Variants in HHIP observed in about 807,000 individuals in gnomAD.
HHIP encodes the protein hedgehog interacting protein.
Under a neutral mutation model 74.0 loss-of-function variants are expected in HHIP, and 12 were observed. The observed-to-expected ratio is 0.16, with a 90% CI of 0.10 to 0.26. The LOEUF (loss-of-function observed/expected upper bound fraction) is 0.26. Ranked by LOEUF, HHIP falls within the 10% of genes least tolerant of loss-of-function variation. The probability of loss-of-function intolerance (pLI) is 1.00; values close to 1 mark genes in which losing one functional copy is unlikely to be tolerated. For synonymous variants in HHIP, 309 were observed against 311.6 expected (o/e 0.99, Z 0.09); for missense variants, 788 against 845.0 (o/e 0.93, Z 0.84).
chr4:144,675,911 T>G (rs1423703605), intron 4 of HHIP, among the ~76,000 whole-genome samples: 1 of 152,222 alleles, frequency 6.6e-6, no homozygotes, highest in African/African-American at 2.4e-5. Context: ...TTGATATCAA[T>G]CCTTTGGAGG....
At chr4:144,711,916 T>G in intron 7 of HHIP, 34 bp from the exon 8 acceptor site, 1 of 1,594,800 alleles carries the variant, frequency 6.3e-7, no homozygotes. Context: ...AAGATCACGG[T>G]AGGAATTAAT....
chr4:144,671,100 A>G (rs1234654191), intron 4 of HHIP, among the ~76,000 whole-genome samples: 2 of 152,158 alleles, frequency 1.3e-5, no homozygotes, highest in Non-Finnish European at 2.9e-5. Context: ...TCTATGTATC[A>G]TCTTTAAAGC....
At position 144,652,659 on chromosome 4, in the gene HHIP, T is replaced by C; in HGVS notation, c.334T>C (p.Cys112Arg). ...TGGGAAGTTACTGGAGGAAATCAAA[T>C]GTGCACTTTGCTCTCCACATTCTCA... is the stretch of plus-strand genomic sequence containing the variant. ...ECGKLLEEIK[C>R]ALCSPHSQSL... is the part of the protein sequence containing the mutation. The change falls in exon 2 of 13, where the codon TGT becomes CGT. Residue 112 changes from cysteine (C) to arginine (R), a missense_variant. Physicochemically the swap from Cys to Arg is radical, Grantham distance 180. Around this residue, in one of 3 missense-constraint regions of HHIP, gnomAD observed 373 missense variants for 366.4 expected, o/e 1.02. Coordinates refer to ENST00000296575, the MANE Select transcript of HHIP (RefSeq NM_022475.3). 6.2e-7 allele frequency: 1 copy of C among 1,611,520 alleles called. No individual in the cohort carries two copies. Among genetic ancestry groups the C allele is most frequent in the Non-Finnish European group, 8.5e-7 (1 of 1,178,158 alleles).
In HHIP at chr4:144,742,841, ATATC is replaced by A. The variant is rs1731289556; in HGVS notation, c.*4886_*4889del. ...TGGTTATATATATTTGGTTATATAT[ATATC>A]TTTATATATATATCTTATATATATA... On this transcript the variant is annotated 3_prime_UTR_variant, in exon 13 of 13. Coordinates refer to ENST00000296575, the MANE Select transcript of HHIP (RefSeq NM_022475.3). 7.1e-6 allele frequency: 1 copy of A among 141,446 alleles called. No individual in the cohort carries two copies. The highest frequency in any genetic ancestry group is 1.5e-5 in the Non-Finnish European group (1 of 66,230). The allele number at this position is 141,446 out of a possible 1,614,324, so 8.8% of individuals were successfully genotyped here. A position where few individuals can be genotyped will look rare whatever the true frequency, so the allele number is the denominator to read the frequency against.
chr4:144,657,666 G>A (rs1409124910), intron 2 of HHIP, among the ~76,000 whole-genome samples: 1 of 152,090 alleles, frequency 6.6e-6, no homozygotes, highest in Admixed American at 6.6e-5. Context: ...TTCAAAGATA[G>A]CTGTCTTTAT....
intron 4 of HHIP, among the ~76,000 whole-genome samples, chr4:144,680,112 T>G (rs1729294359): frequency 1.3e-5 from 2 of 152,202 alleles, no homozygotes; most frequent in South Asian, 4.1e-4. Context: ...AATTTCTTTT[T>G]AATGAAAAGA....
intron 4 of HHIP, among the ~76,000 whole-genome samples, chr4:144,700,559 T>G (rs1729945470): frequency 6.6e-6 from 1 of 152,166 alleles, no homozygotes; most frequent in East Asian, 1.9e-4. Flanking sequence ...AATCACAAGT[T>G]CTTAAAAGTG....
intron 4 of HHIP, among the ~76,000 whole-genome samples, chr4:144,675,917 G>A (rs933481581): frequency 1.3e-5 from 2 of 152,112 alleles, no homozygotes; most frequent in African/African-American, 2.4e-5. Flanking sequence ...TCAATCCTTT[G>A]GAGGAGATCA....
intron 1 of HHIP, 93 bp downstream of exon 1, chr4:144,647,047 T>TTTGACCTTCTTA: frequency 2.7e-6 from 3 of 1,121,684 alleles, no homozygotes; most frequent in South Asian, 1.6e-5. Flanking sequence ...TGTAAGAAGG[T>TTTGACCTTCTTA]CAAAACTTCT....
intron 11 of HHIP, among the ~76,000 whole-genome samples, chr4:144,726,205 C>T (rs1386985749): frequency 6.6e-6 from 1 of 151,994 alleles, no homozygotes. Context: ...GAAGCAATGG[C>T]ATTGGCTTTT....
intron 4 of HHIP, among the ~76,000 whole-genome samples, chr4:144,697,884 T>C (rs1729864756): frequency 6.6e-6 from 1 of 152,106 alleles, no homozygotes; most frequent in African/African-American, 2.4e-5. Context: ...ACGTCCAATA[T>C]CCTCACTCTG....
In HHIP at chr4:144,742,957, C is replaced by T. The variant is rs62344039; in HGVS notation, c.*5000C>T. 0.016 allele frequency: 73 copies of T among 4,646 alleles called. 1 individual carries two copies. Among genetic ancestry groups the T allele is most frequent in the Non-Finnish European group, 0.044 (15 of 344 alleles). 0.3% of individuals were successfully genotyped at this position (4,646 alleles called of 1,614,324 possible). On this transcript the variant is annotated 3_prime_UTR_variant, in exon 13 of 13. Coordinates refer to ENST00000296575, the MANE Select transcript of HHIP (RefSeq NM_022475.3). The stretch of plus-strand genomic sequence containing the variant: ...ATATATCTTATATATATATCTTATA[C>T]ATATAAGATATATGTATATATATAT...
chr4:144,655,767 T>C (rs752342664), intron 2 of HHIP, among the ~76,000 whole-genome samples: 5 of 151,426 alleles, frequency 3.3e-5, no homozygotes, highest in African/African-American at 1.2e-4. Context: ...TTTTTCCTTA[T>C]CATGATGAGC....
chr4:144,679,316 G>A (rs1003144717), intron 4 of HHIP, among the ~76,000 whole-genome samples: 7 of 151,868 alleles, frequency 4.6e-5, no homozygotes, highest in East Asian at 1.9e-4. Flanking sequence ...ATTTTCTCCC[G>A]TTCTGTAGGT....
intron 4 of HHIP, among the ~76,000 whole-genome samples, chr4:144,704,443 T>C (rs1730073678): frequency 6.6e-6 from 1 of 152,252 alleles, no homozygotes; most frequent in Non-Finnish European, 1.5e-5. Flanking sequence ...AAGTCATTTA[T>C]GTGATAGATG....
chr4:144,721,367 T>C (rs1353513934), intron 11 of HHIP, among the ~76,000 whole-genome samples: 1 of 152,078 alleles, frequency 6.6e-6, no homozygotes, highest in Non-Finnish European at 1.5e-5. Context: ...CAGTATCTCT[T>C]AAATCATTTT....
intron 4 of HHIP, among the ~76,000 whole-genome samples, chr4:144,677,857 TATA>T (rs1245565269): frequency 1.3e-5 from 2 of 152,166 alleles, no homozygotes; most frequent in African/African-American, 2.4e-5. Context: ...TTAATGTTCA[TATA>T]ATATTTGTTT....
intron 8 of HHIP, among the ~76,000 whole-genome samples, chr4:144,713,835 A>G (rs1730366896): frequency 6.6e-6 from 1 of 152,076 alleles, no homozygotes; most frequent in South Asian, 2.1e-4. Context: ...GTCTCAATTT[A>G]CTCAATATAT....
In HHIP at chr4:144,698,366, G is replaced by A. The variant is rs147513507; in HGVS notation, c.832-8165G>A. ...AAGATTATAACACCATATTTTTACAGTACCTTTTCTATGTTTACATGCACA... is the reference window on the plus strand; with the variant it reads ...AAGATTATAACACCATATTTTTACAATACCTTTTCTATGTTTACATGCACA... On this transcript the variant is annotated intron_variant, in intron 4 of 12. Coordinates refer to ENST00000296575, the MANE Select transcript of HHIP (RefSeq NM_022475.3). 1.3e-3 allele frequency among the ~76,000 whole-genome samples: 199 copies of A among 152,220 alleles called. 1 individual carries two copies. The highest frequency in any genetic ancestry group is 4.7e-3 in the African/African-American group (194 of 41,542).
Sources: gnomAD v4.1 joint callset for allele counts (sites outside exome capture counted in the v4.1 genomes callset) on GRCh38, gnomAD v4.1.1 for gene constraint, gnomAD v4.1.1 regional missense constraint, MANE v1.5 for transcripts, NCBI Gene and HGNC (gene_info 2026-07-23, HGNC 2026-07-21) for gene names.